Variants in HERC5 observed in about 807,000 individuals in gnomAD.
HERC5 encodes the protein E3 ISG15--protein ligase HERC5.
A neutral mutation model predicts 119.6 loss-of-function variants in HERC5; 99 were observed. That is an observed-to-expected ratio of 0.83 (90% CI 0.70 to 0.98). The LOEUF is 0.98. HERC5 is among the 50% of genes least tolerant of loss of function. The pLI is 0.00. For missense variants in HERC5, 1,267 were observed against 1,241.3 expected (o/e 1.02, Z -0.31); for synonymous variants, 478 against 445.9 (o/e 1.07, Z -0.91).
intron 4 of HERC5, 105 bp downstream of exon 4, chr4:88,462,461 A>T (rs1225851821): frequency 6.7e-6 from 6 of 899,034 alleles, no homozygotes; most frequent in Admixed American, 2.1e-5. Context: ...TTTCATTTTC[A>T]CTGCTCTTCC....
chr4:88,466,934 A>T, intron 6 of HERC5, 125 bp from the exon 7 acceptor site: 1 of 945,884 alleles, frequency 1.1e-6, no homozygotes, highest in Non-Finnish European at 1.6e-6. Flanking sequence ...GATGATTTTC[A>T]TCCTCTAAGA....
At chr4:88,503,509 G>A (rs535666156) in intron 20 of HERC5, among the ~76,000 whole-genome samples, 4 of 152,226 alleles carry the variant, frequency 2.6e-5, no homozygotes, top group Admixed American at 1.3e-4. Context: ...TATACATGTG[G>A]ATATGAGTGT....
At position 88,505,763 on chromosome 4, in the gene HERC5, A is replaced by T; in HGVS notation, c.2960A>T (p.Asp987Val). The T allele has an allele frequency of 6.2e-7, 1 of 1,608,060 alleles. No homozygotes were observed. Among genetic ancestry groups the T allele is most frequent in the Non-Finnish European group, 8.5e-7 (1 of 1,174,534 alleles). Residue 987 changes from aspartate to valine, a missense_variant, in exon 23 of 23, where the codon GAC (aspartate) becomes GTC (valine). Physicochemically the swap from Asp to Val is radical, Grantham distance 152. This residue lies in a region of HERC5 where 473 missense variants were observed against 445.7 expected (regional missense o/e 1.06). Coordinates refer to ENST00000264350, the MANE Select transcript of HERC5 (RefSeq NM_016323.4). ...TGTCCTGAAAGTTGGAATGAAAGAGACCCTATAAGAGCACTGACATGTTTC... is the reference window on the plus strand; with the variant it reads ...TGTCCTGAAAGTTGGAATGAAAGAGTCCCTATAAGAGCACTGACATGTTTC... Reference protein sequence around the residue: ...FCCPESWNERDPIRALTCFSV... With the variant: ...FCCPESWNERVPIRALTCFSV...
chr4:88,468,762 A>G (rs1377779608), intron 8 of HERC5, among the ~76,000 whole-genome samples: 1 of 152,226 alleles, frequency 6.6e-6, no homozygotes, highest in Non-Finnish European at 1.5e-5. Flanking sequence ...AAAGACACCA[A>G]GGTTCATGGG....
At chr4:88,460,490 A>G (rs1409259738) in intron 3 of HERC5, among the ~76,000 whole-genome samples, 2 of 152,142 alleles carry the variant, frequency 1.3e-5, no homozygotes, top group African/African-American at 4.8e-5. Flanking sequence ...TTTTCCAGAA[A>G]CTGCTTCCCT....
At chr4:88,498,141 G>T (rs1046129183) in intron 18 of HERC5, among the ~76,000 whole-genome samples, 2 of 152,184 alleles carry the variant, frequency 1.3e-5, no homozygotes, top group Non-Finnish European at 2.9e-5. Context: ...ACTCCACAGA[G>T]CCATGGGGTC....
intron 22 of HERC5, among the ~76,000 whole-genome samples, chr4:88,504,855 T>C (rs910357725): frequency 3.3e-5 from 5 of 152,238 alleles, no homozygotes; most frequent in African/African-American, 1.2e-4. Flanking sequence ...GCCTTCTTTC[T>C]GTAGCCCTGT....
At chr4:88,488,257 A>T (rs1326890583) in intron 15 of HERC5, among the ~76,000 whole-genome samples, 5 of 140,126 alleles carry the variant, frequency 3.6e-5, no homozygotes, top group African/African-American at 1.1e-4. Flanking sequence ...TTTGAGAGAG[A>T]GTCTCCCTCT....
chr4:88,505,626 T>C lies in HERC5; in HGVS notation c.2870-47T>C, dbSNP rs746348512. ...AGATTTTTTTCTCTGTAAAGAGATT[T>C]TGGTCTCCATGTAAAACAGATTGCC... On this transcript the variant is annotated intron_variant, in intron 22 of 22. Coordinates refer to ENST00000264350, the MANE Select transcript of HERC5 (RefSeq NM_016323.4). 10 of 1,095,150 alleles carry C rather than the reference T, an allele frequency of 9.1e-6. No homozygotes were observed. The African/African-American group carries it at 1.6e-4, about 17-fold the overall frequency. 67.8% of individuals were successfully genotyped at this position (1,095,150 alleles called of 1,614,324 possible).
intron 1 of HERC5, among the ~76,000 whole-genome samples, chr4:88,458,846 G>C (rs1447625504): frequency 6.6e-6 from 1 of 152,130 alleles, no homozygotes; most frequent in Non-Finnish European, 1.5e-5. Flanking sequence ...TTTAAAGATA[G>C]TCCCCCAAAC....
chr4:88,469,369 A>G, intron 9 of HERC5, 109 bp downstream of exon 9: 2 of 730,834 alleles, frequency 2.7e-6, no homozygotes, highest in South Asian at 1.5e-5. Flanking sequence ...TTCCAGAGAA[A>G]CAAACTCATA....
At chr4:88,477,439 C>G (rs113470579) in intron 12 of HERC5, among the ~76,000 whole-genome samples, 13,272 of 36,108 alleles carry the variant, frequency 0.37, 2,532 homozygotes, top group East Asian at 0.74. Context: ...GGGAAAGGGA[C>G]GGGGAGGGGA....
intron 13 of HERC5, among the ~76,000 whole-genome samples, chr4:88,484,416 G>A (rs1228717287): frequency 1.3e-5 from 2 of 152,146 alleles, no homozygotes; most frequent in Non-Finnish European, 2.9e-5. Context: ...TCTTCGCAGA[G>A]AATTTTCTTC....
intron 13 of HERC5, among the ~76,000 whole-genome samples, chr4:88,484,137 A>AT (rs1056215241): frequency 3.9e-5 from 6 of 152,148 alleles, no homozygotes; most frequent in South Asian, 4.1e-4. Context: ...TTCAAGTAGT[A>AT]ATGTTTTTCA....
rs55990584 is a variant in HERC5, at chr4:88,470,620, C to T, written c.1245C>T (p.Ile415=). The T allele has an allele frequency of 0.013, 19,237 of 1,502,428 alleles. 165 individuals are homozygous for T. Among genetic ancestry groups the T allele is most frequent in the Non-Finnish European group, 0.016 (17,065 of 1,084,334 alleles). The allele number at this position is 1,502,428 out of a possible 1,614,324, so 93.1% of individuals were successfully genotyped here. A position where few individuals can be genotyped will look rare whatever the true frequency, so the allele number is the denominator to read the frequency against. The change falls in exon 10 of 23, where the codon ATC becomes ATT. Residue 415 remains isoleucine (I), a synonymous_variant. Coordinates refer to ENST00000264350, the MANE Select transcript of HERC5 (RefSeq NM_016323.4). ...TKRWQSTKRE[I]QEIFSSPACL... ...TGTCTTATTACTAATATAGGGAAAT[C>T]CAAGAGATATTTTCATCTCCTGCTT...
chr4:88,484,786 T>C (rs760263219), intron 13 of HERC5, among the ~76,000 whole-genome samples: 2 of 152,340 alleles, frequency 1.3e-5, no homozygotes, highest in Admixed American at 1.3e-4. Flanking sequence ...GCCCCAACCA[T>C]TGAAAATTGA....
intron 3 of HERC5, among the ~76,000 whole-genome samples, chr4:88,460,977 G>A (rs1051885819): frequency 1.3e-5 from 2 of 151,982 alleles, no homozygotes; most frequent in Non-Finnish European, 2.9e-5. Context: ...GTAACTGAGC[G>A]AGACCCTGTC....
intron 18 of HERC5, 108 bp downstream of exon 18, chr4:88,494,439 G>T (rs1435966818): frequency 1.4e-5 from 13 of 943,802 alleles, no homozygotes; most frequent in Non-Finnish European, 2.1e-5. Flanking sequence ...AGCATTTTAG[G>T]TACTTTAGAC....
chr4:88,470,324 A>G (rs2149092277), intron 9 of HERC5, among the ~76,000 whole-genome samples: 1 of 152,362 alleles, frequency 6.6e-6, no homozygotes, highest in East Asian at 1.9e-4. Context: ...TTGTTTGTTC[A>G]AGAAAGTTCT....
Sources: allele counts gnomAD v4.1 joint callset (sites outside exome capture counted in the v4.1 genomes callset), GRCh38; gene constraint gnomAD v4.1.1; regional missense constraint gnomAD v4.1.1; transcripts MANE v1.5; gene names NCBI Gene and HGNC (gene_info 2026-07-23, HGNC 2026-07-21).